ENTPD5: variants seen among roughly 807,000 people sequenced by gnomAD.
ENTPD5 encodes the protein ectonucleoside triphosphate diphosphohydrolase 5 (inactive).
In ENTPD5, 49 loss-of-function variants were observed where a neutral mutation model predicts 60.2. The observed-to-expected ratio is 0.81, with a 90% CI of 0.65 to 1.03. The LOEUF is 1.03. ENTPD5 is among the 50% of genes least tolerant of loss of function. ENTPD5 has a pLI of 0.00. For missense variants in ENTPD5, 480 were observed against 507.6 expected, an observed-to-expected ratio of 0.95 and a Z score of 0.52; for synonymous variants, 187 against 185.4, an observed-to-expected ratio of 1.01 and a Z score of -0.07.
intron 3 of ENTPD5, among the ~76,000 whole-genome samples, chr14:73,994,959 C>G (rs2058284763): frequency 6.6e-6 from 1 of 151,914 alleles, no homozygotes; most frequent in Admixed American, 6.6e-5. Context: ...TACCATCTAA[C>G]ACATTATATA....
chr14:74,014,050 G>A (rs1459429807), intron 2 of ENTPD5, among the ~76,000 whole-genome samples: 1 of 152,028 alleles, frequency 6.6e-6, no homozygotes, highest in African/African-American at 2.4e-5. Flanking sequence ...GCCCAGTCCA[G>A]GTAAGTTTTC....
Position 73,964,625 on chromosome 14 carries a change from CCT to C in ENTPD5, c.*2301_*2302del, listed in dbSNP as rs2056898756. The stretch of plus-strand genomic sequence containing the variant: ...AACAGTCTTTAGTGAACACAGCTTA[CCT>C]CTTTTAAAACTGCTGGTTTCTACTG... On this transcript the variant is annotated 3_prime_UTR_variant, in exon 16 of 16. Coordinates refer to ENST00000334696, the MANE Select transcript of ENTPD5 (RefSeq NM_001249.5). 1 of 152,184 alleles carries C rather than the reference CCT, an allele frequency of 6.6e-6. No homozygotes were observed. Among genetic ancestry groups the C allele is most frequent in the African/African-American group, 2.4e-5 (1 of 41,442 alleles). 9.4% of individuals were successfully genotyped at this position (152,184 alleles called of 1,614,324 possible).
chr14:73,999,497 C>CAA (rs1020336073), intron 3 of ENTPD5, among the ~76,000 whole-genome samples: 1 of 150,724 alleles, frequency 6.6e-6, no homozygotes, highest in African/African-American at 2.5e-5. Flanking sequence ...CCCACCCCCC[C>CAA]AAAAAAAACA....
Position 73,982,522 on chromosome 14 carries a change from T to C in ENTPD5, c.441+496A>G, listed in dbSNP as rs181561809. ...CTGTAATTCCAGCACTTTGGGAGGC[T>C]GAGGCGGGCAGATCACGAGGTCAGG... On this transcript the variant is annotated intron_variant, in intron 6 of 15. Transcript: ENST00000334696. Among the ~76,000 whole-genome samples the C allele has an allele frequency of 9.0e-3, 1,365 of 152,178 alleles. 10 individuals are homozygous for C. The highest frequency in any genetic ancestry group is 0.016 in the Non-Finnish European group (1,066 of 67,988).
At chr14:73,979,700 T>C (rs918748644) in intron 6 of ENTPD5, among the ~76,000 whole-genome samples, 2 of 152,120 alleles carry the variant, frequency 1.3e-5, no homozygotes, top group Non-Finnish European at 2.9e-5. Context: ...CTCGATCTCC[T>C]AACCTCGTGA....
At chr14:73,990,209 G>A (rs903565145) in intron 3 of ENTPD5, among the ~76,000 whole-genome samples, 1 of 151,882 alleles carries the variant, frequency 6.6e-6, no homozygotes, top group African/African-American at 2.4e-5. Context: ...AATAATTGTA[G>A]GGTGGCTCTC....
intron 11 of ENTPD5, 29 bp downstream of exon 11, chr14:73,974,895 C>CA (rs753667695): frequency 1.7e-5 from 26 of 1,491,888 alleles, no homozygotes; most frequent in Non-Finnish European, 2.4e-5. Flanking sequence ...CCCTCACCAT[C>CA]CCCCCCCAGC....
At chr14:73,991,288 G>A (rs77809263) in intron 3 of ENTPD5, among the ~76,000 whole-genome samples, 2,228 of 152,078 alleles carry the variant, frequency 0.015, 52 homozygotes, top group African/African-American at 0.05. Context: ...CTTAATCTTA[G>A]CACTGTTTAC....
chr14:73,992,163 G>A, intron 3 of ENTPD5, among the ~76,000 whole-genome samples: 1 of 152,018 alleles, frequency 6.6e-6, no homozygotes, highest in East Asian at 1.9e-4. Context: ...AAACAGTTTT[G>A]GGTCTTCTGA....
intron 3 of ENTPD5, among the ~76,000 whole-genome samples, chr14:73,998,252 G>A (rs1818514736): frequency 6.6e-6 from 1 of 152,084 alleles, no homozygotes; most frequent in Admixed American, 6.5e-5. Flanking sequence ...TACAAAGAAA[G>A]CAATTATGTG....
chr14:73,958,817 C>T (rs1317266705), downstream of ENTPD5: 24 of 1,528,406 alleles, frequency 1.6e-5, no homozygotes, highest in Non-Finnish European at 1.9e-5. Context: ...AGTGCAGGGG[C>T]TCCACCTCTA....
Position 73,972,886 on chromosome 14 carries a change from A to G in ENTPD5, c.1025T>C (p.Ile342Thr). The stretch of plus-strand genomic sequence containing the variant: ...ACTGACACCTGGGGTGAACTCACCA[A>G]TCATGTCTGTGTCAACAGCTCGGTC... ...YYDRAVDTDM[I>T]DYEKGGILKV... The change falls in exon 13 of 16, where the codon ATT becomes ACT. Residue 342 changes from isoleucine to threonine, a missense_variant and splice_region_variant. Transcript: ENST00000334696. 1 of 1,614,016 alleles carries G rather than the reference A, an allele frequency of 6.2e-7. No individual in the cohort carries two copies. The highest frequency in any genetic ancestry group is 1.7e-5 in the Admixed American group (1 of 60,020).
chr14:74,007,340 T>C (rs983997353), intron 3 of ENTPD5, among the ~76,000 whole-genome samples: 1 of 151,850 alleles, frequency 6.6e-6, no homozygotes, highest in Non-Finnish European at 1.5e-5. Context: ...GCTAACACGG[T>C]GAAACCCCGT....
At chr14:74,006,395 T>C (rs533710813) in intron 3 of ENTPD5, among the ~76,000 whole-genome samples, 56 of 151,332 alleles carry the variant, frequency 3.7e-4, no homozygotes, top group African/African-American at 1.3e-3. Flanking sequence ...ACCATTCTCC[T>C]GCCTCAGCCT....
At chr14:73,967,472 C>T (rs1437725803) in intron 15 of ENTPD5, among the ~76,000 whole-genome samples, 1 of 152,196 alleles carries the variant, frequency 6.6e-6, no homozygotes, top group Non-Finnish European at 1.5e-5. Flanking sequence ...CTTCTCAACT[C>T]CTACTATGTA....
chr14:73,981,497 T>C (rs1325364620), intron 6 of ENTPD5, among the ~76,000 whole-genome samples: 1 of 147,838 alleles, frequency 6.8e-6, no homozygotes, highest in African/African-American at 2.5e-5. Context: ...AAAAAATGTA[T>C]ATATATATAT....
chr14:73,955,636 G>C (rs778143191), downstream of ENTPD5: 19 of 1,342,654 alleles, frequency 1.4e-5, no homozygotes, highest in Non-Finnish European at 1.1e-6. Flanking sequence ...GTCCGAGGAA[G>C]TGGGGAGAAG....
At chr14:73,981,506 A>C (rs564995388) in intron 6 of ENTPD5, among the ~76,000 whole-genome samples, 1 of 151,200 alleles carries the variant, frequency 6.6e-6, no homozygotes, top group South Asian at 2.1e-4. Flanking sequence ...ATATATATAT[A>C]TATGACTTCA....
downstream of ENTPD5, chr14:73,955,407 G>C (rs768168521): frequency 6.6e-7 from 1 of 1,507,314 alleles, no homozygotes; most frequent in Non-Finnish European, 9.2e-7. Context: ...GGGAGCCCAG[G>C]TCCTTGTGAA....
Sources: gnomAD v4.1 joint callset for allele counts (sites outside exome capture counted in the v4.1 genomes callset) on GRCh38, gnomAD v4.1.1 for gene constraint, MANE v1.5 for transcripts, NCBI Gene and HGNC (gene_info 2026-07-23, HGNC 2026-07-21) for gene names.